ASCC1: variants seen among roughly 807,000 people sequenced by gnomAD.
The protein encoded by ASCC1 is ASC-1 complex subunit P50.
In ASCC1, 35 loss-of-function variants were observed where a neutral mutation model predicts 46.6. The ratio of observed to expected loss-of-function variants is 0.75; its 90% CI spans 0.57 to 0.99. The LOEUF (loss-of-function observed/expected upper bound fraction) is 0.99. Among genes scored for constraint, ASCC1 ranks in the 50% least tolerant of loss-of-function variants. The pLI is 0.00. For missense variants in ASCC1, 376 were observed against 428.7 expected, an observed-to-expected ratio of 0.88 and a Z score of 1.09; for synonymous variants, 143 against 146.6, an observed-to-expected ratio of 0.98 and a Z score of 0.18.
In ASCC1 at chr10:72,150,952, G is replaced by T. The variant is rs539227008; in HGVS notation, c.746+1917C>A. ...ATTAAAAAGTCAGGAAACAACAGGT[G>T]CTGGAGAGGATGTGGAGAAATAGGA... On this transcript the variant is annotated intron_variant, in intron 7 of 9. Transcript: ENST00000672957. 4.6e-5 allele frequency among the ~76,000 whole-genome samples: 7 copies of T among 152,312 alleles called. No homozygotes were observed. In the South Asian group the frequency reaches 1.2e-3, roughly 27 times the overall value.
At chr10:72,177,176 C>T (rs1251438797) in intron 5 of ASCC1, among the ~76,000 whole-genome samples, 1 of 152,116 alleles carries the variant, frequency 6.6e-6, no homozygotes, top group Non-Finnish European at 1.5e-5. Context: ...ACTAGTATCT[C>T]CACCGAAATG....
At chr10:72,149,555 A>G (rs1848083109) in intron 7 of ASCC1, among the ~76,000 whole-genome samples, 1 of 152,128 alleles carries the variant, frequency 6.6e-6, no homozygotes, top group Admixed American at 6.5e-5. Context: ...CAACTCATGT[A>G]AAACAAAAAC....
At chr10:72,119,672 C>T (rs145008233) in intron 9 of ASCC1, among the ~76,000 whole-genome samples, 26 of 151,692 alleles carry the variant, frequency 1.7e-4, no homozygotes, top group African/African-American at 5.8e-4. Context: ...TCACCCAGTA[C>T]ATCACGTCCA....
In ASCC1 at chr10:72,172,861, TTA is replaced by T. The variant is rs1218390198; in HGVS notation, c.490-11189_490-11188del. Among the ~76,000 whole-genome samples, 531 of 124,974 alleles carry T rather than the reference TTA, an allele frequency of 4.2e-3. 5 individuals are homozygous for T. Among genetic ancestry groups the T allele is most frequent in the African/African-American group, 0.014 (466 of 34,370 alleles). The allele number at this position is 124,974 out of a possible 152,430, so 82.0% of individuals were successfully genotyped here. The stretch of plus-strand genomic sequence containing the variant: ...TTATATTATATATAATATTTTTATA[TTA>T]TATATATTATATATTATATTTTTAT... On this transcript the variant is annotated intron_variant, in intron 5 of 9. Transcript: ENST00000672957.
chr10:72,111,934 G>C (rs572813288), intron 9 of ASCC1, among the ~76,000 whole-genome samples: 15 of 152,298 alleles, frequency 9.8e-5, no homozygotes, highest in African/African-American at 2.9e-4. Flanking sequence ...GAGCCACCAC[G>C]CCAGGCCAAG....
chr10:72,200,271 C>T (rs1856306614), intron 4 of ASCC1, among the ~76,000 whole-genome samples: 2 of 151,986 alleles, frequency 1.3e-5, no homozygotes, highest in Admixed American at 1.3e-4. Context: ...GTTTGGGGTT[C>T]GTATTATAAG....
chr10:72,171,309 C>T (rs943951992), intron 5 of ASCC1, among the ~76,000 whole-genome samples: 2 of 152,194 alleles, frequency 1.3e-5, no homozygotes, highest in Admixed American at 6.5e-5. Context: ...CAGGGCAAAT[C>T]ACTTCCTTGA....
chr10:72,133,222 A>ACTT (rs756286851), intron 7 of ASCC1, 41 bp from the exon 8 acceptor site: 14 of 1,608,050 alleles, frequency 8.7e-6, no homozygotes, highest in Non-Finnish European at 1.2e-5. Context: ...ATCTTAGTAA[A>ACTT]CTTCTGAACA....
chr10:72,143,484 C>T (rs1454361821), intron 7 of ASCC1, among the ~76,000 whole-genome samples: 1 of 151,538 alleles, frequency 6.6e-6, no homozygotes, highest in African/African-American at 2.4e-5. Flanking sequence ...ATTACAGATG[C>T]ATACCACCAC....
rs201025256 is a variant in ASCC1 at position 72,109,990 on chromosome 10, G to T, written c.958-12540C>A. 3.9e-5 allele frequency among the ~76,000 whole-genome samples: 6 copies of T among 152,314 alleles called. No homozygotes were observed. The East Asian group carries it at 1.2e-3, about 29-fold the overall frequency. On this transcript the variant is annotated intron_variant, in intron 9 of 9. Transcript: ENST00000672957. ...CATTATTTCTTCCCAAAGAAGCCTT[G>T]CCACAGGGCATGGGTATTACTGCTT...
Position 72,203,534 on chromosome 10 carries a change from AAAGT to A in ASCC1, c.213-14_213-11del. The A allele has an allele frequency of 6.5e-7, 1 of 1,548,464 alleles. No individual in the cohort carries two copies. On this transcript the variant is annotated splice_polypyrimidine_tract_variant and intron_variant, in intron 3 of 9. Coordinates refer to ENST00000672957, the MANE Select transcript of ASCC1 (RefSeq NM_001198800.3). ...CTTTCCAACTATATGCCTGTAACATAAAGTAATTAAAAGAAGATTAAGTCAAAAT... is the reference window on the plus strand; with the variant it reads ...CTTTCCAACTATATGCCTGTAACATAAATTAAAAGAAGATTAAGTCAAAAT...
intron 5 of ASCC1, among the ~76,000 whole-genome samples, chr10:72,183,805 A>C (rs1347895616): frequency 6.6e-6 from 1 of 152,180 alleles, no homozygotes; most frequent in Non-Finnish European, 1.5e-5. Context: ...AAATTTTTCA[A>C]ACAAATAAAA....
At chr10:72,182,092 G>C (rs1405020607) in intron 5 of ASCC1, among the ~76,000 whole-genome samples, 2 of 152,180 alleles carry the variant, frequency 1.3e-5, no homozygotes, top group Non-Finnish European at 2.9e-5. Flanking sequence ...CAAAACTGGA[G>C]TGAAACAGCA....
chr10:72,118,261 G>A (rs1263024227), intron 9 of ASCC1, among the ~76,000 whole-genome samples: 2 of 151,904 alleles, frequency 1.3e-5, no homozygotes, highest in African/African-American at 4.8e-5. Context: ...CAGCTACTTG[G>A]GAGGCTGAGG....
At chr10:72,097,907 G>A (rs757424799) in intron 9 of ASCC1, among the ~76,000 whole-genome samples, 9 of 152,152 alleles carry the variant, frequency 5.9e-5, no homozygotes, top group Middle Eastern at 3.2e-3. Flanking sequence ...TGTTAGGAGC[G>A]CTGACTAAAA....
chr10:72,128,375 C>T (rs1215518810), intron 8 of ASCC1, among the ~76,000 whole-genome samples: 1 of 152,198 alleles, frequency 6.6e-6, no homozygotes, highest in Non-Finnish European at 1.5e-5. Flanking sequence ...TACATTTATT[C>T]ATTCATCTAT....
At chr10:72,102,138 T>C (rs1214925963) in intron 9 of ASCC1, among the ~76,000 whole-genome samples, 2 of 151,982 alleles carry the variant, frequency 1.3e-5, no homozygotes, top group Admixed American at 6.5e-5. Context: ...AAACCTAAAA[T>C]AAAAATTACA....
chr10:72,159,690 T>A (rs1226315471), intron 6 of ASCC1, among the ~76,000 whole-genome samples: 1 of 152,134 alleles, frequency 6.6e-6, no homozygotes, highest in African/African-American at 2.4e-5. Context: ...CACCAAATTA[T>A]TTTGAATTTC....
upstream of ASCC1, chr10:72,216,732 T>C: frequency 2.3e-6 from 1 of 437,380 alleles, no homozygotes; most frequent in Non-Finnish European, 4.6e-6. Context: ...GAAGTAAATG[T>C]TTAAGCATCT....
Sources: allele counts gnomAD v4.1 joint callset (sites outside exome capture counted in the v4.1 genomes callset), GRCh38; gene constraint gnomAD v4.1.1; transcripts MANE v1.5; gene names NCBI Gene and HGNC (gene_info 2026-07-23, HGNC 2026-07-21).